Variants in GRM7 observed in about 807,000 individuals in gnomAD.
GRM7 encodes the protein metabotropic glutamate receptor 7.
In GRM7, 35 loss-of-function variants were observed where a neutral mutation model predicts 84.5. That is an observed-to-expected ratio of 0.41 (90% CI 0.32 to 0.55). The LOEUF is 0.55. Among genes scored for constraint, GRM7 ranks in the 20% least tolerant of loss-of-function variants. The pLI is 0.19. For synonymous variants in GRM7, 487 were observed against 455.1 expected (o/e 1.07, Z -0.89); for missense variants, 1,003 against 1,194.6 (o/e 0.84, Z 2.36).
intron 1 of GRM7, among the ~76,000 whole-genome samples, chr3:7,022,513 C>T (rs991794820): frequency 6.6e-6 from 1 of 151,342 alleles, no homozygotes; most frequent in Non-Finnish European, 1.5e-5. Context: ...GCATAGCCTA[C>T]AATACTTCTA....
At chr3:7,701,780 G>A (rs1701239079) in intron 9 of GRM7, among the ~76,000 whole-genome samples, 1 of 152,132 alleles carries the variant, frequency 6.6e-6, no homozygotes, top group South Asian at 2.1e-4. Flanking sequence ...AAGTTCAACA[G>A]AACACAGTAT....
chr3:7,369,212 A>G (rs2125115269), intron 4 of GRM7, among the ~76,000 whole-genome samples: 1 of 152,214 alleles, frequency 6.6e-6, no homozygotes, highest in South Asian at 2.1e-4. Context: ...ATGCTACTAC[A>G]CAAACAACTT....
chr3:7,162,729 A>ATTTCTTTTTTTTTTT (rs1694666508), intron 2 of GRM7, among the ~76,000 whole-genome samples: 1 of 54,670 alleles, frequency 1.8e-5, no homozygotes, highest in Non-Finnish European at 3.9e-5. Context: ...CCCATTTTTC[A>ATTTCTTTTTTTTTTT]TTTTTTTTTT....
At chr3:7,374,671 A>G (rs1163395951) in intron 4 of GRM7, among the ~76,000 whole-genome samples, 6 of 107,332 alleles carry the variant, frequency 5.6e-5, no homozygotes, top group South Asian at 3.1e-4. Context: ...TTGTATTTTT[A>G]GTAGAGACAG....
chr3:7,209,629 C>T (rs967949530), intron 2 of GRM7, among the ~76,000 whole-genome samples: 1 of 152,128 alleles, frequency 6.6e-6, no homozygotes, highest in Non-Finnish European at 1.5e-5. Context: ...ACGAGAAACA[C>T]GTGTGGAACT....
chr3:7,334,520 A>G (rs1306405586), intron 4 of GRM7, among the ~76,000 whole-genome samples: 5 of 152,062 alleles, frequency 3.3e-5, no homozygotes, highest in Non-Finnish European at 7.4e-5. Context: ...AAAACACAAC[A>G]TACATAGGCA....
chr3:6,954,033 G>T lies in GRM7; in HGVS notation c.519+92126G>T, dbSNP rs1337006966. On this transcript the variant is annotated intron_variant, in intron 1 of 9. Transcript: ENST00000357716. ...GGCGATAATATATTGAAAAAGTTAA[G>T]CTCGTATTGTTTTCTTCAACAAAAA... Among the ~76,000 whole-genome samples the T allele has an allele frequency of 3.3e-5, 5 of 151,400 alleles. No individual in the cohort carries two copies. The Admixed American group carries it at 3.3e-4, about 10-fold the overall frequency.
chr3:6,901,148 TAA>T (rs1375088252), intron 1 of GRM7, among the ~76,000 whole-genome samples: 6 of 152,180 alleles, frequency 3.9e-5, no homozygotes, highest in African/African-American at 1.2e-4. Context: ...TGTAATTAAA[TAA>T]GAGTTAATGA....
At chr3:7,401,133 A>G (rs908806247) in intron 4 of GRM7, among the ~76,000 whole-genome samples, 1 of 152,076 alleles carries the variant, frequency 6.6e-6, no homozygotes, top group African/African-American at 2.4e-5. Context: ...TAATTGCTCT[A>G]TTATGCCATT....
chr3:7,686,545 T>C lies in GRM7; in HGVS notation c.2698+6250T>C. 5 of 628,260 alleles carry C rather than the reference T, an allele frequency of 8.0e-6. No homozygotes were observed. The South Asian group carries it at 1.0e-4, about 13-fold the overall frequency. 38.9% of individuals were successfully genotyped at this position (628,260 alleles called of 1,614,324 possible). On this transcript the variant is annotated intron_variant, in intron 9 of 9. Transcript: ENST00000357716. ...GAAACTGTGCATGATTACCTGAAAA[T>C]ATATCTATAGGAAGAAATGAATTTT...
At chr3:7,355,867 T>C (rs1050707367) in intron 4 of GRM7, among the ~76,000 whole-genome samples, 4 of 152,098 alleles carry the variant, frequency 2.6e-5, no homozygotes, top group Non-Finnish European at 5.9e-5. Flanking sequence ...TGTGGTTTCA[T>C]GGGGAGGTTC....
intron 7 of GRM7, among the ~76,000 whole-genome samples, chr3:7,570,776 C>T (rs973223952): frequency 3.3e-5 from 5 of 152,224 alleles, no homozygotes; most frequent in African/African-American, 4.8e-5. Flanking sequence ...GGGGCTCTCA[C>T]CCCACATTTC....
At chr3:6,876,641 G>A (rs1316372830) in intron 1 of GRM7, among the ~76,000 whole-genome samples, 4 of 129,460 alleles carry the variant, frequency 3.1e-5, no homozygotes, top group African/African-American at 6.0e-5. Flanking sequence ...TCGCTGTATC[G>A]CCCAGGCTGG....
chr3:7,227,938 G>A (rs1697036067), intron 2 of GRM7, among the ~76,000 whole-genome samples: 1 of 152,208 alleles, frequency 6.6e-6, no homozygotes, highest in Non-Finnish European at 1.5e-5. Flanking sequence ...GTCAGAATTA[G>A]GTCTCTTCCA....
chr3:7,308,829 C>T (rs1700290265), intron 4 of GRM7, among the ~76,000 whole-genome samples: 1 of 152,040 alleles, frequency 6.6e-6, no homozygotes, highest in Admixed American at 6.6e-5. Flanking sequence ...GGCCATTAAC[C>T]CCTGATGCCT....
intron 1 of GRM7, among the ~76,000 whole-genome samples, chr3:6,948,453 C>G (rs966085287): frequency 6.6e-6 from 1 of 152,118 alleles, no homozygotes; most frequent in Non-Finnish European, 1.5e-5. Flanking sequence ...TTTACATTTG[C>G]TGAGGAGTGC....
At chr3:7,069,926 T>C (rs1382425950) in intron 1 of GRM7, among the ~76,000 whole-genome samples, 1 of 152,090 alleles carries the variant, frequency 6.6e-6, no homozygotes, top group Non-Finnish European at 1.5e-5. Context: ...TCACTTTCCA[T>C]AGAGTTGGAG....
intron 2 of GRM7, among the ~76,000 whole-genome samples, chr3:7,206,804 T>A (rs1030232549): frequency 6.6e-6 from 1 of 152,186 alleles, no homozygotes; most frequent in Non-Finnish European, 1.5e-5. Context: ...TGAAGCCACT[T>A]CAGCCTTCCC....
chr3:7,078,357 G>A (rs1698165379), intron 1 of GRM7, among the ~76,000 whole-genome samples: 1 of 152,084 alleles, frequency 6.6e-6, no homozygotes, highest in Non-Finnish European at 1.5e-5. Flanking sequence ...AAGCCCCTTG[G>A]GGTATTTGCG....
Sources: allele counts gnomAD v4.1 joint callset (sites outside exome capture counted in the v4.1 genomes callset), GRCh38; gene constraint gnomAD v4.1.1; transcripts MANE v1.5; gene names NCBI Gene and HGNC (gene_info 2026-07-23, HGNC 2026-07-21).